PLEKHA5: variants seen among roughly 807,000 people sequenced by gnomAD.
PLEKHA5 encodes the protein pleckstrin homology domain containing A5.
Under a neutral mutation model 181.9 loss-of-function variants are expected in PLEKHA5, and 55 were observed. That is an observed-to-expected ratio of 0.30 (90% CI 0.24 to 0.38). The LOEUF is 0.38. Among genes scored for constraint, PLEKHA5 ranks in the 10% least tolerant of loss-of-function variants. The probability of loss-of-function intolerance (pLI) is 1.00; values close to 1 mark genes in which losing one functional copy is unlikely to be tolerated. For missense variants in PLEKHA5, 1,432 were observed against 1,549.5 expected (o/e 0.92, Z 1.27); for synonymous variants, 535 against 529.4 (o/e 1.01, Z -0.15).
intron 3 of PLEKHA5, among the ~76,000 whole-genome samples, chr12:19,184,441 A>G (rs2049348873): frequency 6.6e-6 from 1 of 152,180 alleles, no homozygotes; most frequent in Admixed American, 6.5e-5. Flanking sequence ...CATGTGAGAT[A>G]CAGCTATGCC....
In PLEKHA5 at chr12:19,376,214, T is replaced by C. The variant is rs1011652195; in HGVS notation, c.*695T>C. On this transcript the variant is annotated 3_prime_UTR_variant, in exon 32 of 32. Transcript: ENST00000429027. ...GGCTTATATTTCATTGGAATACATG[T>C]GTACAGCAATAAGCAGGTTTCCAAA... is the stretch of plus-strand genomic sequence containing the variant. The C allele has an allele frequency of 6.6e-6, 1 of 152,524 alleles. No homozygotes were observed. The highest frequency in any genetic ancestry group is 2.4e-5 in the African/African-American group (1 of 41,432). 9.4% of individuals were successfully genotyped at this position (152,524 alleles called of 1,614,324 possible).
chr12:19,236,082 T>A (rs1161680550), intron 3 of PLEKHA5, among the ~76,000 whole-genome samples: 1 of 152,196 alleles, frequency 6.6e-6, no homozygotes, highest in Non-Finnish European at 1.5e-5. Flanking sequence ...CATGGAAACC[T>A]GTCCACAGCA....
At chr12:19,230,309 C>A (rs2060308259) in intron 3 of PLEKHA5, among the ~76,000 whole-genome samples, 2 of 152,222 alleles carry the variant, frequency 1.3e-5, no homozygotes. Flanking sequence ...CCTAGTGGAT[C>A]CCGCACTGGG....
At chr12:19,198,438 G>C (rs1031220760) in intron 3 of PLEKHA5, among the ~76,000 whole-genome samples, 4 of 152,128 alleles carry the variant, frequency 2.6e-5, no homozygotes, top group African/African-American at 9.7e-5. Context: ...GGCCCTCGGG[G>C]CTTTTCCTGA....
At chr12:19,150,227 A>G (rs1475690791) in intron 3 of PLEKHA5, 1 of 152,090 alleles carries the variant, frequency 6.6e-6, no homozygotes, top group African/African-American at 2.4e-5. Flanking sequence ...TAGAGTTATT[A>G]TGTTTTTTTC....
chr12:19,141,119 G>A (rs978582130), intron 3 of PLEKHA5, among the ~76,000 whole-genome samples: 1 of 152,076 alleles, frequency 6.6e-6, no homozygotes, highest in Admixed American at 6.6e-5. Flanking sequence ...CTGATTTCAA[G>A]AGTGATGCAA....
chr12:19,169,263 T>TA (rs113327862), intron 3 of PLEKHA5, among the ~76,000 whole-genome samples: 2,290 of 139,374 alleles, frequency 0.016, 35 homozygotes, highest in South Asian at 0.037. Flanking sequence ...GTTGTCAAGT[T>TA]AAAAAAAAAA....
At chr12:19,153,463 T>C (rs1459770292) in intron 3 of PLEKHA5, 1 of 152,192 alleles carries the variant, frequency 6.6e-6, no homozygotes, top group African/African-American at 2.4e-5. Context: ...AGAGCACTTT[T>C]AGGTTCATGG....
chr12:19,359,166 C>G (rs2095100173), intron 27 of PLEKHA5, among the ~76,000 whole-genome samples: 2 of 152,066 alleles, frequency 1.3e-5, no homozygotes, highest in African/African-American at 4.8e-5. Flanking sequence ...GGAGACTAAA[C>G]AAAGCAACAG....
intron 3 of PLEKHA5, among the ~76,000 whole-genome samples, chr12:19,177,770 G>A (rs552514470): frequency 4.5e-4 from 68 of 152,290 alleles, no homozygotes; most frequent in African/African-American, 1.6e-3. Flanking sequence ...ACTTCAATAA[G>A]TTATAATTTA....
At chr12:19,250,899 G>T (rs1472882317) in intron 3 of PLEKHA5, among the ~76,000 whole-genome samples, 3 of 152,074 alleles carry the variant, frequency 2.0e-5, no homozygotes, top group East Asian at 1.9e-4. Flanking sequence ...CAGGGCTTGG[G>T]GGGAAAATGG....
chr12:19,299,797 C>T (rs908219894), intron 15 of PLEKHA5, among the ~76,000 whole-genome samples: 1 of 152,172 alleles, frequency 6.6e-6, no homozygotes, highest in Non-Finnish European at 1.5e-5. Context: ...CTCATTTGAT[C>T]TTCCTAAAGC....
intron 5 of PLEKHA5, among the ~76,000 whole-genome samples, chr12:19,255,794 T>G (rs998785912): frequency 4.6e-5 from 7 of 151,300 alleles, no homozygotes; most frequent in African/African-American, 1.7e-4. Flanking sequence ...AAGTTGAATC[T>G]GTTCCTCATA....
intron 3 of PLEKHA5, among the ~76,000 whole-genome samples, chr12:19,156,270 C>T (rs899361376): frequency 1.3e-5 from 2 of 150,250 alleles, no homozygotes; most frequent in African/African-American, 4.9e-5. Flanking sequence ...TTCTGTGAGA[C>T]ACAAGAGGAA....
intron 3 of PLEKHA5, among the ~76,000 whole-genome samples, chr12:19,186,418 A>T (rs949571380): frequency 8.5e-5 from 13 of 152,204 alleles, no homozygotes; most frequent in African/African-American, 2.9e-4. Context: ...TTGGCAGTAG[A>T]TGTAGCTCCT....
At chr12:19,361,262 A>T (rs1012941020) in intron 28 of PLEKHA5, among the ~76,000 whole-genome samples, 1 of 152,018 alleles carries the variant, frequency 6.6e-6, no homozygotes. Context: ...CGCTCACTGC[A>T]TGCTCCACCT....
Position 19,296,239 on chromosome 12 carries a change from G to GA in PLEKHA5, c.2037+4556dup, listed in dbSNP as rs148595579. On this transcript the variant is annotated intron_variant, in intron 15 of 31. Coordinates refer to ENST00000429027, the MANE Select transcript of PLEKHA5 (RefSeq NM_001256470.2). ...CGGGCGACAGAGTGAGACTCCGTCTGAAAAAAAAAAAAAATTACTCAGTGT... is the reference window on the plus strand; with the variant it reads ...CGGGCGACAGAGTGAGACTCCGTCTGAAAAAAAAAAAAAAATTACTCAGTGT... Among the ~76,000 whole-genome samples the GA allele has an allele frequency of 2.9e-3, 369 of 125,424 alleles. 1 individual carries two copies. The highest frequency in any genetic ancestry group is 6.4e-3 in the African/African-American group (215 of 33,554). The allele number at this position is 125,424 out of a possible 152,430, so 82.3% of individuals were successfully genotyped here. A position where few individuals can be genotyped will look rare whatever the true frequency, so the allele number is the denominator to read the frequency against.
At chr12:19,340,492 C>T (rs1425798308) in intron 21 of PLEKHA5, among the ~76,000 whole-genome samples, 10,031 of 79,364 alleles carry the variant, frequency 0.13, no homozygotes, top group Non-Finnish European at 0.19. Context: ...ATGACAATGG[C>T]GGTTTTGTGG....
chr12:19,334,829 AATAT>A (rs56763101), intron 20 of PLEKHA5, among the ~76,000 whole-genome samples: 490 of 18,508 alleles, frequency 0.026, 22 homozygotes, highest in African/African-American at 0.053. Context: ...AAAAAAAAAA[AATAT>A]ATATATATAT....
Sources: allele counts gnomAD v4.1 joint callset (sites outside exome capture counted in the v4.1 genomes callset), GRCh38; gene constraint gnomAD v4.1.1; transcripts MANE v1.5; gene names NCBI Gene and HGNC (gene_info 2026-07-23, HGNC 2026-07-21).